The following PPP1R16B variants were observed in gnomAD, a reference collection of about 807,000 sequenced individuals.
PPP1R16B encodes protein phosphatase 1 regulatory subunit 16B.
A neutral mutation model predicts 61.7 loss-of-function variants in PPP1R16B; 14 were observed. The observed-to-expected ratio is 0.23, with a 90% CI of 0.15 to 0.35. The LOEUF (loss-of-function observed/expected upper bound fraction) is 0.35. Ranked by LOEUF, PPP1R16B falls within the 10% of genes least tolerant of loss-of-function variation. The pLI, the probability that PPP1R16B is intolerant of heterozygous loss-of-function variation, is 1.00. For missense variants in PPP1R16B, 547 were observed against 752.5 expected (o/e 0.73, Z 3.19); for synonymous variants, 266 against 305.3 (o/e 0.87, Z 1.34).
rs913278697 is a variant in PPP1R16B at position 38,920,292 on chromosome 20, C to A, written c.*1626C>A. 6.5e-6 allele frequency: 1 copy of A among 152,694 alleles called. No homozygotes were observed. Among genetic ancestry groups the A allele is most frequent in the African/African-American group, 2.4e-5 (1 of 41,446 alleles). 9.5% of individuals were successfully genotyped at this position (152,694 alleles called of 1,614,324 possible). ...GCTGCAGGTTATCCCTTGCTCTGTG[C>A]GCCTTTTATTTGTCCTTAAACTACC... On this transcript the variant is annotated 3_prime_UTR_variant, in exon 11 of 11. Coordinates refer to ENST00000299824, the MANE Select transcript of PPP1R16B (RefSeq NM_015568.4).
Position 38,902,807 on chromosome 20 carries a change from C to T in PPP1R16B, c.696+15C>T. The T allele has an allele frequency of 1.2e-6, 2 of 1,614,038 alleles. No homozygotes were observed. Among genetic ancestry groups the T allele is most frequent in the South Asian group, 1.1e-5 (1 of 91,078 alleles). On this transcript the variant is annotated intron_variant, in intron 6 of 10. Coordinates refer to ENST00000299824, the MANE Select transcript of PPP1R16B (RefSeq NM_015568.4). ...GTGCCACACTGGTGAGGAGATGGGC[C>T]AGTACCAAAACCAAGACCAGCTAGG...
At chr20:38,812,447 A>C (rs902754473) in intron 1 of PPP1R16B, among the ~76,000 whole-genome samples, 4 of 152,200 alleles carry the variant, frequency 2.6e-5, no homozygotes, top group African/African-American at 9.6e-5. Flanking sequence ...AATGAGGTCA[A>C]ACTGCAGTGT....
intron 4 of PPP1R16B, among the ~76,000 whole-genome samples, chr20:38,896,021 T>C (rs1159363070): frequency 2.2e-5 from 3 of 133,398 alleles, no homozygotes; most frequent in African/African-American, 6.5e-5. Flanking sequence ...CTTCCTTCTT[T>C]CTTTCCTCTC....
intron 2 of PPP1R16B, among the ~76,000 whole-genome samples, chr20:38,856,239 A>G (rs1394372983): frequency 2.6e-5 from 4 of 151,828 alleles, no homozygotes; most frequent in Non-Finnish European, 5.9e-5. Context: ...AGAATGGGAG[A>G]GTAACTTGAT....
intron 3 of PPP1R16B, among the ~76,000 whole-genome samples, chr20:38,892,782 T>C (rs903973044): frequency 4.6e-5 from 7 of 152,146 alleles, no homozygotes; most frequent in African/African-American, 1.7e-4. Context: ...AGCTGGGTCT[T>C]GAAGGATGAG....
Position 38,918,034 on chromosome 20 carries a change from A to C in PPP1R16B, c.1195-123A>C. The C allele has an allele frequency of 9.8e-6, 13 of 1,328,092 alleles. No homozygotes were observed. Among genetic ancestry groups the C allele is most frequent in the Non-Finnish European group, 1.2e-5 (12 of 966,232 alleles). 82.3% of individuals were successfully genotyped at this position (1,328,092 alleles called of 1,614,324 possible). ...TCCCCAAAGGAAAACCCTGGCCCCGATACCCAGGGAGAGAAAACAGATAGA... is the reference window on the plus strand; with the variant it reads ...TCCCCAAAGGAAAACCCTGGCCCCGCTACCCAGGGAGAGAAAACAGATAGA... On this transcript the variant is annotated intron_variant, in intron 10 of 10. Transcript: ENST00000299824. The surrounding 1 kb of genome is among the most constrained non-coding windows in gnomAD (Gnocchi z 5.3).
rs538857389 is a variant in PPP1R16B at position 38,890,737 on chromosome 20, A to G, written c.321+1072A>G. ...TAGGTGCTCAATATGTGCATGTTGAATTAATGCATGAACACACCAAAGCCT... is the reference window on the plus strand; with the variant it reads ...TAGGTGCTCAATATGTGCATGTTGAGTTAATGCATGAACACACCAAAGCCT... On this transcript the variant is annotated intron_variant, in intron 3 of 10. Transcript: ENST00000299824. Among the ~76,000 whole-genome samples, 623 of 152,334 alleles carry G rather than the reference A, an allele frequency of 4.1e-3. 3 individuals are homozygous for G. Among genetic ancestry groups the G allele is most frequent in the Non-Finnish European group, 6.7e-3 (455 of 68,040 alleles).
intron 2 of PPP1R16B, among the ~76,000 whole-genome samples, chr20:38,856,811 C>G (rs939409062): frequency 1.3e-5 from 2 of 152,222 alleles, no homozygotes; most frequent in Non-Finnish European, 2.9e-5. Flanking sequence ...AGAGGCGTAG[C>G]CAGGACTGTC....
rs191009579 is a variant in PPP1R16B, at chr20:38,917,307, A to G, written c.1195-850A>G. Among the ~76,000 whole-genome samples, 780 of 152,232 alleles carry G rather than the reference A, an allele frequency of 5.1e-3. 6 individuals carry two copies. Among genetic ancestry groups the G allele is most frequent in the African/African-American group, 0.018 (751 of 41,530 alleles). Reference sequence around the variant, plus strand: ...CAAGACTCCGTCTCAAAAAAAAAAAAAAAAGGACTTTTAAGAGCTCTTTAT... The same window carrying G: ...CAAGACTCCGTCTCAAAAAAAAAAAGAAAAGGACTTTTAAGAGCTCTTTAT... On this transcript the variant is annotated intron_variant, in intron 10 of 10. Coordinates refer to ENST00000299824, the MANE Select transcript of PPP1R16B (RefSeq NM_015568.4).
At chr20:38,891,758 T>C (rs1274905269) in intron 3 of PPP1R16B, among the ~76,000 whole-genome samples, 6 of 151,362 alleles carry the variant, frequency 4.0e-5, no homozygotes, top group South Asian at 2.1e-4. Flanking sequence ...GCTGAGATCA[T>C]GCCACTACCC....
intron 2 of PPP1R16B, among the ~76,000 whole-genome samples, chr20:38,870,072 C>T (rs2085117520): frequency 6.6e-6 from 1 of 152,028 alleles, no homozygotes; most frequent in Admixed American, 6.5e-5. Context: ...TACAGGTGCC[C>T]ACCAACATGC....
At chr20:38,876,407 GC>G (rs1051153296) in intron 2 of PPP1R16B, among the ~76,000 whole-genome samples, 11 of 152,298 alleles carry the variant, frequency 7.2e-5, no homozygotes, top group African/African-American at 2.4e-4. Context: ...TGCTGCTGGA[GC>G]CTCAAAACAG....
chr20:38,833,017 T>C (rs187226026), intron 1 of PPP1R16B, among the ~76,000 whole-genome samples: 5 of 152,104 alleles, frequency 3.3e-5, no homozygotes, highest in African/African-American at 4.8e-5. Context: ...ACACAATCTG[T>C]AGATGAATGG....
intron 4 of PPP1R16B, among the ~76,000 whole-genome samples, chr20:38,896,199 TTCCCTCCCTCTC>T (rs2085347652): frequency 7.9e-6 from 1 of 126,584 alleles, no homozygotes; most frequent in Admixed American, 7.7e-5. Flanking sequence ...TCCTTCTTTC[TTCCCTCCCTCTC>T]TCCCTCCCTT....
intron 2 of PPP1R16B, among the ~76,000 whole-genome samples, chr20:38,866,940 C>T (rs952105879): frequency 6.6e-6 from 1 of 152,168 alleles, no homozygotes; most frequent in Non-Finnish European, 1.5e-5. Flanking sequence ...TCCCCCTAGC[C>T]CCTGGCAGCC....
At chr20:38,909,061 G>C (rs2085468982) in intron 10 of PPP1R16B, among the ~76,000 whole-genome samples, 1 of 152,088 alleles carries the variant, frequency 6.6e-6, no homozygotes, top group African/African-American at 2.4e-5. Flanking sequence ...GAGTGCAGTG[G>C]CATGATTATA....
chr20:38,918,509 G>A lies in PPP1R16B; in HGVS notation c.1547G>A (p.Gly516Asp). 6.2e-7 allele frequency: 1 copy of A among 1,602,574 alleles called. No individual in the cohort carries two copies. Among genetic ancestry groups the A allele is most frequent in the Non-Finnish European group, 8.5e-7 (1 of 1,172,326 alleles). Residue 516 changes from glycine to aspartate, a missense_variant, in exon 11 of 11, where the codon GGC (glycine) becomes GAC (aspartate). Physicochemically the swap from Gly to Asp is moderately conservative, Grantham distance 94. Coordinates refer to ENST00000299824, the MANE Select transcript of PPP1R16B (RefSeq NM_015568.4). The surrounding 1 kb of genome is among the most constrained non-coding windows in gnomAD (Gnocchi z 5.3). The stretch of plus-strand genomic sequence containing the variant: ...AGGACGGGCGAGAGTAGCAGTGAAG[G>A]CAAGGCCCCCTTGATCGGAGGCAGA... ...MARTGESSSE[G>D]KAPLIGGRTS... is the part of the protein sequence containing the mutation.
chr20:38,884,626 T>C (rs996011299), intron 2 of PPP1R16B, among the ~76,000 whole-genome samples: 9 of 152,160 alleles, frequency 5.9e-5, no homozygotes, highest in Admixed American at 3.9e-4. Context: ...TGGAAGGATT[T>C]TGAACTTCAT....
In PPP1R16B at chr20:38,864,114, C is replaced by G. The variant is rs62202529; in HGVS notation, c.251-25481C>G. On this transcript the variant is annotated intron_variant, in intron 2 of 10. Coordinates refer to ENST00000299824, the MANE Select transcript of PPP1R16B (RefSeq NM_015568.4). The stretch of plus-strand genomic sequence containing the variant: ...AAAGGCCACGTGTTCTAGAACTCCA[C>G]TGGTATGAAATGTCCAGAATAGACA... 6.1e-3 allele frequency among the ~76,000 whole-genome samples: 922 copies of G among 152,296 alleles called. 4 individuals are homozygous for G. Among genetic ancestry groups the G allele is most frequent in the African/African-American group, 0.021 (872 of 41,562 alleles).
Sources: gnomAD v4.1 joint callset for allele counts (sites outside exome capture counted in the v4.1 genomes callset) on GRCh38, gnomAD v4.1.1 for gene constraint, Gnocchi (gnomAD v3.1) non-coding constraint, MANE v1.5 for transcripts, NCBI Gene and HGNC (gene_info 2026-07-23, HGNC 2026-07-21) for gene names.